The following MBD2 variants were observed in gnomAD, a reference collection of about 807,000 sequenced individuals.
MBD2 encodes the protein methyl-CpG binding domain protein 2.
A neutral mutation model predicts 39.3 loss-of-function variants in MBD2; 9 were observed. That is an observed-to-expected ratio of 0.23 (90% CI 0.14 to 0.40). MBD2 has a LOEUF of 0.40. Ranked by LOEUF, MBD2 falls within the 10% of genes least tolerant of loss-of-function variation. The pLI, the probability that MBD2 is intolerant of heterozygous loss-of-function variation, is 1.00. For synonymous variants in MBD2, 233 were observed against 211.1 expected, an observed-to-expected ratio of 1.10 and a Z score of -0.90; for missense variants, 458 against 532.6, an observed-to-expected ratio of 0.86 and a Z score of 1.38.
At position 54,175,728 on chromosome 18, in the gene MBD2, A is replaced by G. The variant is rs1317597614; in HGVS notation, c.841-9562T>C. 2.6e-5 allele frequency among the ~76,000 whole-genome samples: 4 copies of G among 152,090 alleles called. 1 individual carries two copies. In the South Asian group the frequency reaches 8.3e-4, roughly 32 times the overall value. On this transcript the variant is annotated intron_variant, in intron 3 of 6. Transcript: ENST00000256429. ...AACCCAGGCTCTGCCCCTCTTATTT[A>G]TATGAACACTGACCTTGCCCAAGGT... is the stretch of plus-strand genomic sequence containing the variant.
Position 54,224,287 on chromosome 18 carries a change from G to A in MBD2, c.273C>T (p.Gly91=). 3 of 943,258 alleles carry A rather than the reference G, an allele frequency of 3.2e-6. No homozygotes were observed. Among genetic ancestry groups the A allele is most frequent in the Non-Finnish European group, 3.8e-6 (3 of 794,680 alleles). The allele number at this position is 943,258 out of a possible 1,614,324, so 58.4% of individuals were successfully genotyped here. The change falls in exon 1 of 7, where the codon GGC becomes GGT. Residue 91 remains glycine (G), a synonymous_variant. Transcript: ENST00000256429. ...GRGRGRGRGR[G]RGRGRPPSGG... ...CACTCGGGGGACGGCCGCGGCCCCGGCCCCGGCCCCGTCCCCGTCCCCGGC... is the reference window on the plus strand; with the variant it reads ...CACTCGGGGGACGGCCGCGGCCCCGACCCCGGCCCCGTCCCCGTCCCCGGC...
At chr18:54,192,040 CAAAG>C (rs1200613439) in intron 2 of MBD2, among the ~76,000 whole-genome samples, 1 of 152,160 alleles carries the variant, frequency 6.6e-6, no homozygotes, top group Non-Finnish European at 1.5e-5. Context: ...TTCTGTGATG[CAAAG>C]AAAGTTTGAA....
intron 3 of MBD2, among the ~76,000 whole-genome samples, chr18:54,186,882 A>C (rs1334600758): frequency 6.6e-6 from 1 of 152,232 alleles, no homozygotes; most frequent in Non-Finnish European, 1.5e-5. Flanking sequence ...GGAGAGATGG[A>C]GGAGATAGAA....
chr18:54,158,328 T>C (rs958766000), intron 6 of MBD2, among the ~76,000 whole-genome samples: 5 of 152,162 alleles, frequency 3.3e-5, no homozygotes, highest in African/African-American at 1.2e-4. Flanking sequence ...CACTCCTATA[T>C]ATCTTTCAGG....
intron 5 of MBD2, among the ~76,000 whole-genome samples, chr18:54,161,654 T>C (rs1263398053): frequency 6.6e-6 from 1 of 152,248 alleles, no homozygotes; most frequent in African/African-American, 2.4e-5. Context: ...GATTTTCTTC[T>C]CTCTTGAGCA....
intron 3 of MBD2, among the ~76,000 whole-genome samples, chr18:54,184,946 C>A (rs1236634681): frequency 6.6e-6 from 1 of 152,184 alleles, no homozygotes; most frequent in Non-Finnish European, 1.5e-5. Flanking sequence ...TGAGACTCTG[C>A]TTTAGCTTAT....
intron 1 of MBD2, chr18:54,222,378 C>T (rs755645590): frequency 3.9e-6 from 2 of 517,992 alleles, no homozygotes; most frequent in Non-Finnish European, 7.7e-6. Context: ...AAATCCTGGC[C>T]CCACAGCCTG....
intron 1 of MBD2, among the ~76,000 whole-genome samples, chr18:54,208,880 T>C (rs1303879379): frequency 3.3e-5 from 5 of 152,352 alleles, no homozygotes; most frequent in Non-Finnish European, 5.9e-5. Context: ...TCAAGATAAT[T>C]TGAACTCAAT....
Position 54,151,871 on chromosome 18 carries a change from T to C in MBD2, c.*3453A>G, listed in dbSNP as rs920596213. The stretch of plus-strand genomic sequence containing the variant: ...AACACCCTGGAAGCCACCAAGGGCA[T>C]TTCTTTCCTTTATAATACATACAGC... On this transcript the variant is annotated 3_prime_UTR_variant, in exon 7 of 7. Coordinates refer to ENST00000256429, the MANE Select transcript of MBD2 (RefSeq NM_003927.5). 1.3e-4 allele frequency: 19 copies of C among 149,280 alleles called. No homozygotes were observed. Among genetic ancestry groups the C allele is most frequent in the African/African-American group, 4.2e-4 (17 of 40,760 alleles). 9.2% of individuals were successfully genotyped at this position (149,280 alleles called of 1,614,324 possible).
In MBD2 at chr18:54,224,497, C is replaced by T; in HGVS notation, c.63G>A (p.Ala21=). The T allele has an allele frequency of 8.1e-7, 1 of 1,235,932 alleles. No individual in the cohort carries two copies. The highest frequency in any genetic ancestry group is 1.6e-5 in the African/African-American group (1 of 64,108). The allele number at this position is 1,235,932 out of a possible 1,614,324, so 76.6% of individuals were successfully genotyped here. The change falls in exon 1 of 7, where the codon GCG becomes GCA. Residue 21 remains alanine, a synonymous_variant. Transcript: ENST00000256429. ...CPEQEEGESA[A]GGSGAGGDSA... ...AGTCGCCGCCAGCGCCGCTGCCGCC[C>T]GCCGCACTCTCCCCCTCCTCCTGCT... is the stretch of plus-strand genomic sequence containing the variant.
intron 2 of MBD2, 21 bp from the exon 3 acceptor site, chr18:54,189,032 T>C: frequency 6.7e-7 from 1 of 1,485,552 alleles, no homozygotes; most frequent in Non-Finnish European, 9.2e-7. Flanking sequence ...AAATGTATTT[T>C]TATTTAAAAT....
intron 1 of MBD2, 70 bp downstream of exon 1, chr18:54,223,948 G>A (rs2086636245): frequency 2.2e-6 from 3 of 1,361,392 alleles, no homozygotes; most frequent in Non-Finnish European, 3.0e-6. Context: ...CTCATCCTCT[G>A]CCCAGGCCCG....
intron 1 of MBD2, among the ~76,000 whole-genome samples, chr18:54,216,290 A>T (rs2086560960): frequency 6.6e-6 from 1 of 152,230 alleles, no homozygotes; most frequent in African/African-American, 2.4e-5. Context: ...TGTATACCTG[A>T]TTTAGTGCAA....
At chr18:54,179,777 C>CATAGG (rs758840325) in intron 3 of MBD2, among the ~76,000 whole-genome samples, 12 of 152,234 alleles carry the variant, frequency 7.9e-5, no homozygotes, top group Admixed American at 3.9e-4. Context: ...GCAAGTATCA[C>CATAGG]ATTTAATGGA....
intron 2 of MBD2, among the ~76,000 whole-genome samples, chr18:54,194,566 T>C (rs1306475871): frequency 2.6e-4 from 40 of 151,954 alleles, no homozygotes; most frequent in Admixed American, 2.6e-3. Flanking sequence ...TGTATATATA[T>C]ATATATGTAG....
At chr18:54,185,684 T>C (rs1232543281) in intron 3 of MBD2, among the ~76,000 whole-genome samples, 5 of 152,156 alleles carry the variant, frequency 3.3e-5, no homozygotes, top group Non-Finnish European at 7.4e-5. Context: ...TTTCAGTGAT[T>C]ACTGTTTGGG....
chr18:54,162,703 A>G (rs2086105686), intron 5 of MBD2, among the ~76,000 whole-genome samples: 3 of 152,184 alleles, frequency 2.0e-5, no homozygotes. Flanking sequence ...TCTCTGGAGT[A>G]ATTTTCTTCC....
At position 54,166,195 on chromosome 18, in the gene MBD2, A is replaced by C. The variant is rs536302619; in HGVS notation, c.841-29T>G. On this transcript the variant is annotated intron_variant, in intron 3 of 6. Coordinates refer to ENST00000256429, the MANE Select transcript of MBD2 (RefSeq NM_003927.5). ...TAAGGCAAAATATCACTGTTAATAG[A>C]TACATTTTTGAAACAAGAAAGTAGC... 6 of 1,399,744 alleles carry C rather than the reference A, an allele frequency of 4.3e-6. No homozygotes were observed. In the South Asian group the frequency reaches 7.1e-5, roughly 17 times the overall value. 86.7% of individuals were successfully genotyped at this position (1,399,744 alleles called of 1,614,324 possible). A position where few individuals can be genotyped will look rare whatever the true frequency, so the allele number is the denominator to read the frequency against.
intron 1 of MBD2, among the ~76,000 whole-genome samples, chr18:54,219,065 G>C (rs1329369516): frequency 2.6e-5 from 4 of 151,666 alleles, no homozygotes; most frequent in Non-Finnish European, 5.9e-5. Flanking sequence ...AATACACATA[G>C]AATTAAGGCA....
Sources: gnomAD v4.1 joint callset for allele counts (sites outside exome capture counted in the v4.1 genomes callset) on GRCh38, gnomAD v4.1.1 for gene constraint, MANE v1.5 for transcripts, NCBI Gene and HGNC (gene_info 2026-07-23, HGNC 2026-07-21) for gene names.